Variants in MAD1L1 observed in about 807,000 individuals in gnomAD.
The protein encoded by MAD1L1 is mitotic spindle assembly checkpoint protein MAD1.
In MAD1L1, 95 loss-of-function variants were observed where a neutral mutation model predicts 96.9. That is an observed-to-expected ratio of 0.98 (90% CI 0.83 to 1.16). MAD1L1 has a LOEUF of 1.16. Ranked by LOEUF, MAD1L1 falls within the 50% of genes most tolerant of loss-of-function variation. MAD1L1 has a pLI of 0.00. For synonymous variants in MAD1L1, 473 were observed against 396.6 expected (o/e 1.19, Z -2.29); for missense variants, 1,007 against 954.4 (o/e 1.06, Z -0.73).
At chr7:2,085,982 A>T (rs1370094374) in intron 11 of MAD1L1, among the ~76,000 whole-genome samples, 1 of 152,192 alleles carries the variant, frequency 6.6e-6, no homozygotes, top group Non-Finnish European at 1.5e-5. Flanking sequence ...TCAGGCATGT[A>T]TGAAGGCCTG....
chr7:2,226,300 G>A (rs1793891545), intron 3 of MAD1L1, among the ~76,000 whole-genome samples: 2 of 152,224 alleles, frequency 1.3e-5, no homozygotes, highest in African/African-American at 4.8e-5. Flanking sequence ...CAGTAGGAAG[G>A]TGAGTGTGCA....
At chr7:2,044,438 C>T (rs1039468862) in intron 12 of MAD1L1, among the ~76,000 whole-genome samples, 1 of 152,134 alleles carries the variant, frequency 6.6e-6, no homozygotes, top group African/African-American at 2.4e-5. Flanking sequence ...GCCCGGCGCA[C>T]GTGGAAGAAG....
intron 18 of MAD1L1, among the ~76,000 whole-genome samples, chr7:1,825,434 A>G (rs907970577): frequency 6.6e-6 from 1 of 152,248 alleles, no homozygotes; most frequent in African/African-American, 2.4e-5. Flanking sequence ...GCGTGAGCCC[A>G]GCCAGCTGGT....
intron 11 of MAD1L1, among the ~76,000 whole-genome samples, chr7:2,097,643 G>A (rs1014954608): frequency 4.6e-4 from 70 of 152,326 alleles, no homozygotes; most frequent in African/African-American, 1.6e-3. Context: ...AGCCACAGCC[G>A]GCCATCCACG....
At chr7:1,955,419 T>G (rs796808481) in intron 16 of MAD1L1, among the ~76,000 whole-genome samples, 4 of 152,242 alleles carry the variant, frequency 2.6e-5, no homozygotes, top group African/African-American at 9.6e-5. Flanking sequence ...GCCTCCTGAG[T>G]AGCTGAGACT....
intron 11 of MAD1L1, among the ~76,000 whole-genome samples, chr7:2,073,651 G>C (rs1785239925): frequency 6.6e-6 from 1 of 151,582 alleles, no homozygotes; most frequent in South Asian, 2.1e-4. Flanking sequence ...CCGGTCTGAG[G>C]AAATGCAGTG....
intron 18 of MAD1L1, among the ~76,000 whole-genome samples, chr7:1,821,379 GAATT>G: frequency 6.6e-6 from 1 of 152,178 alleles, no homozygotes; most frequent in East Asian, 1.9e-4. Flanking sequence ...CATTAAATAT[GAATT>G]AATACCAATT....
chr7:1,904,231 A>C (rs1197215033), intron 17 of MAD1L1, among the ~76,000 whole-genome samples: 101 of 94,650 alleles, frequency 1.1e-3, no homozygotes, highest in African/African-American at 2.2e-3. Flanking sequence ...CTATTGAAGA[A>C]GCTCTTGCGG....
intron 10 of MAD1L1, among the ~76,000 whole-genome samples, chr7:2,161,594 C>T (rs1409302518): frequency 1.3e-5 from 2 of 151,860 alleles, no homozygotes; most frequent in Admixed American, 6.6e-5. Context: ...AGCCCCTCTG[C>T]CCGACCGCCC....
chr7:2,044,629 C>T (rs1196405125), intron 12 of MAD1L1, among the ~76,000 whole-genome samples: 2 of 152,240 alleles, frequency 1.3e-5, no homozygotes, highest in East Asian at 1.9e-4. Context: ...AGTCCCCAGG[C>T]GATCGACCAC....
chr7:1,898,009 T>A (rs1786992988), intron 18 of MAD1L1, 191 bp downstream of exon 18: 1 of 633,864 alleles, frequency 1.6e-6, no homozygotes, highest in Middle Eastern at 4.3e-4. Context: ...CAAAGCCACA[T>A]AGGGTTGGCC....
chr7:1,987,296 C>T (rs1234592517), intron 14 of MAD1L1, among the ~76,000 whole-genome samples: 2 of 152,238 alleles, frequency 1.3e-5, no homozygotes, highest in East Asian at 1.9e-4. Flanking sequence ...GCCCCATTGC[C>T]AGCACAGAAC....
chr7:2,113,374 G>A (rs1787484646), intron 11 of MAD1L1, among the ~76,000 whole-genome samples: 1 of 152,182 alleles, frequency 6.6e-6, no homozygotes. Context: ...GAGGTCAGGA[G>A]TTCAAGACCA....
chr7:2,131,405 T>C (rs543968086), intron 11 of MAD1L1, among the ~76,000 whole-genome samples: 63 of 152,252 alleles, frequency 4.1e-4, no homozygotes, highest in African/African-American at 1.3e-3. Context: ...GGCAGTAAAA[T>C]TGGCAGAGCA....
At chr7:1,891,787 C>T (rs1786555775) in intron 18 of MAD1L1, among the ~76,000 whole-genome samples, 1 of 152,150 alleles carries the variant, frequency 6.6e-6, no homozygotes, top group Admixed American at 6.5e-5. Flanking sequence ...TGCTATGTTG[C>T]CAAGGCTGGT....
chr7:2,186,044 TAAGTA>T (rs979185199), intron 10 of MAD1L1, among the ~76,000 whole-genome samples: 1 of 152,236 alleles, frequency 6.6e-6, no homozygotes, highest in African/African-American at 2.4e-5. Flanking sequence ...CAGCTGACTT[TAAGTA>T]AAGGGCAAAA....
intron 10 of MAD1L1, among the ~76,000 whole-genome samples, chr7:2,178,888 C>CAAA (rs1192952349): frequency 1.1e-5 from 1 of 88,114 alleles, no homozygotes; most frequent in Non-Finnish European, 2.4e-5. Flanking sequence ...CACAGAGTCT[C>CAAA]AAAAAAAAAA....
intron 3 of MAD1L1, 93 bp downstream of exon 3, chr7:2,229,891 C>A (rs1794105081): frequency 2.2e-6 from 3 of 1,379,976 alleles, no homozygotes; most frequent in Non-Finnish European, 3.0e-6. Flanking sequence ...TCTGCTAATA[C>A]CGACCCACCT....
intron 14 of MAD1L1, among the ~76,000 whole-genome samples, chr7:1,999,065 C>T (rs1309635873): frequency 6.6e-6 from 1 of 152,128 alleles, no homozygotes; most frequent in Non-Finnish European, 1.5e-5. Context: ...AGAGTCCCCA[C>T]TAACCCGCTC....
Sources: gnomAD v4.1 joint callset for allele counts (sites outside exome capture counted in the v4.1 genomes callset) on GRCh38, gnomAD v4.1.1 for gene constraint, MANE v1.5 for transcripts, NCBI Gene and HGNC (gene_info 2026-07-23, HGNC 2026-07-21) for gene names.